The following SKP1 variants were observed in gnomAD, a reference collection of about 807,000 sequenced individuals.
The protein encoded by SKP1 is S-phase kinase-associated protein 1.
A neutral mutation model predicts 21.5 loss-of-function variants in SKP1; 1 was observed. That is an observed-to-expected ratio of 0.05 (90% confidence interval 0.02 to 0.22). The LOEUF (loss-of-function observed/expected upper bound fraction) is 0.22, where lower values mean the gene tolerates loss of function less well. Ranked by LOEUF, SKP1 falls within the 10% of genes least tolerant of loss-of-function variation. SKP1 has a pLI of 1.00. For synonymous variants in SKP1, 59 were observed against 59.3 expected (o/e 0.99, Z 0.03); for missense variants, 70 against 192.0 (o/e 0.36, Z 3.76).
chr5:134,165,500 G>C (rs1761311796), intron 3 of SKP1, among the ~76,000 whole-genome samples: 1 of 150,154 alleles, frequency 6.7e-6, no homozygotes, highest in African/African-American at 2.5e-5. Context: ...TGAGGCGGGA[G>C]AATCACTTGA....
Position 134,153,148 on chromosome 5 carries a change from C to A in SKP1, c.*4585G>T, listed in dbSNP as rs1250949280. On this transcript the variant is annotated 3_prime_UTR_variant, in exon 6 of 6. Coordinates refer to ENST00000353411, the MANE Select transcript of SKP1 (RefSeq NM_170679.3). ...GGGAGAACATTTACTTGGTTGATTC[C>A]TTCCTACCAGAATGTACACTGAGCT... The A allele has an allele frequency of 1.3e-5, 2 of 152,178 alleles. No homozygotes were observed. The highest frequency in any genetic ancestry group is 3.9e-4 in the East Asian group (2 of 5,194). The allele number at this position is 152,178 out of a possible 1,614,324, so 9.4% of individuals were successfully genotyped here.
In SKP1 at chr5:134,157,104, A is replaced by C. The variant is rs1761132898; in HGVS notation, c.*629T>G. 6.5e-6 allele frequency: 1 copy of C among 152,676 alleles called. No individual in the cohort carries two copies. The highest frequency in any genetic ancestry group is 2.4e-5 in the African/African-American group (1 of 41,470). The allele number at this position is 152,676 out of a possible 1,614,324, so 9.5% of individuals were successfully genotyped here. On this transcript the variant is annotated 3_prime_UTR_variant, in exon 6 of 6. Transcript: ENST00000353411. Reference sequence around the variant, plus strand: ...AGTTACATTTCTCCCAAAAAACCACAAACTGGGTAGTAACTGAGTCTCTAG... The same window carrying C: ...AGTTACATTTCTCCCAAAAAACCACCAACTGGGTAGTAACTGAGTCTCTAG...
chr5:134,158,215 T>A (rs778463239), intron 5 of SKP1: 23 of 1,422,282 alleles, frequency 1.6e-5, no homozygotes, highest in Non-Finnish European at 2.1e-5. Flanking sequence ...TAACTGTTAA[T>A]ACATTAACAA....
intron 2 of SKP1, among the ~76,000 whole-genome samples, chr5:134,173,193 T>C (rs1217400914): frequency 1.3e-5 from 2 of 148,990 alleles, no homozygotes; most frequent in Non-Finnish European, 3.0e-5. Flanking sequence ...TTAGCCGGGC[T>C]TGGTGGCACA....
chr5:134,161,481 A>G (rs1348175067), intron 3 of SKP1: 2 of 159,948 alleles, frequency 1.3e-5, no homozygotes, highest in Non-Finnish European at 2.6e-5. Context: ...TTAAAGAGAA[A>G]TGGGTTAATA....
intron 1 of SKP1, 144 bp from the exon 2 acceptor site, chr5:134,174,166 G>A (rs1382114261): frequency 3.2e-6 from 2 of 620,490 alleles, no homozygotes; most frequent in East Asian, 5.6e-5. Flanking sequence ...AAGCACTGTT[G>A]TAAGCAGTTA....
At chr5:134,162,643 T>C (rs1294788831) in intron 3 of SKP1, among the ~76,000 whole-genome samples, 2 of 152,164 alleles carry the variant, frequency 1.3e-5, no homozygotes, top group Non-Finnish European at 2.9e-5. Flanking sequence ...CCCCTTGGCT[T>C]CCCAAAGTGC....
chr5:134,165,729 T>A (rs929820967), intron 3 of SKP1, among the ~76,000 whole-genome samples: 1 of 148,440 alleles, frequency 6.7e-6, no homozygotes, highest in Non-Finnish European at 1.5e-5. Context: ...TACTAAAAAA[T>A]ACAAAAATTA....
At chr5:134,168,155 A>G (rs1761369322) in intron 2 of SKP1, among the ~76,000 whole-genome samples, 1 of 152,248 alleles carries the variant, frequency 6.6e-6, no homozygotes, top group East Asian at 1.9e-4. Context: ...AATTGGTAGG[A>G]AAAGTGATTT....
At chr5:134,176,234 A>C (rs1468193380) in intron 1 of SKP1, among the ~76,000 whole-genome samples, 3 of 152,172 alleles carry the variant, frequency 2.0e-5, no homozygotes, top group Non-Finnish European at 4.4e-5. Context: ...ATGGCAAAAC[A>C]ACGCTAAGAA....
rs1015221203 is a variant in SKP1, at chr5:134,155,620, T to C, written c.*2113A>G. On this transcript the variant is annotated 3_prime_UTR_variant, in exon 6 of 6. Coordinates refer to ENST00000353411, the MANE Select transcript of SKP1 (RefSeq NM_170679.3). ...GATCTCATTATCCTTTAAATACGGA[T>C]AGTGACGTTATTTACTCATATAATT... is the stretch of plus-strand genomic sequence containing the variant. 18 of 152,248 alleles carry C rather than the reference T, an allele frequency of 1.2e-4. No homozygotes were observed. The highest frequency in any genetic ancestry group is 6.5e-5 in the Admixed American group (1 of 15,284). 9.4% of individuals were successfully genotyped at this position (152,248 alleles called of 1,614,324 possible). A position where few individuals can be genotyped will look rare whatever the true frequency, so the allele number is the denominator to read the frequency against.
intron 1 of SKP1, chr5:134,175,285 C>G (rs749386088): frequency 6.6e-5 from 10 of 152,324 alleles, no homozygotes; most frequent in Non-Finnish European, 1.2e-4. Flanking sequence ...ATATCCTACT[C>G]TCACTCATCC....
rs1761140566 is a variant in SKP1 at position 134,157,489 on chromosome 5, C to G, written c.*244G>C. ...AGCCCAAAATGCCACTTATAGAGAA[C>G]CCACAGTTCAGTTTTATTCAGAGCA... is the stretch of plus-strand genomic sequence containing the variant. On this transcript the variant is annotated 3_prime_UTR_variant, in exon 6 of 6. Coordinates refer to ENST00000353411, the MANE Select transcript of SKP1 (RefSeq NM_170679.3). 1 of 411,082 alleles carries G rather than the reference C, an allele frequency of 2.4e-6. No individual in the cohort carries two copies. 25.5% of individuals were successfully genotyped at this position (411,082 alleles called of 1,614,324 possible).
chr5:134,151,696 A>G lies in SKP1; in HGVS notation c.*6037T>C, dbSNP rs1761046033. The G allele has an allele frequency of 2.2e-6, 1 of 456,136 alleles. No individual in the cohort carries two copies. Among genetic ancestry groups the G allele is most frequent in the South Asian group, 1.5e-5 (1 of 64,570 alleles). The allele number at this position is 456,136 out of a possible 1,614,324, so 28.3% of individuals were successfully genotyped here. On this transcript the variant is annotated 3_prime_UTR_variant, in exon 6 of 6. Transcript: ENST00000353411. ...CAGATATCAGAAGGTCGCAAGAACT[A>G]CAGATGTGGAAGCAGACACTGTTAT...
chr5:134,159,547 A>AT lies in SKP1; in HGVS notation c.316-953dup, dbSNP rs1166778296. Reference sequence around the variant, plus strand: ...AGGTGGGTGCCATCTCACCCAGCTAATTTTTTTTTTTTTTTTTTGAGACGA... The same window carrying AT: ...AGGTGGGTGCCATCTCACCCAGCTAATTTTTTTTTTTTTTTTTTTGAGACGA... On this transcript the variant is annotated intron_variant, in intron 4 of 5. Transcript: ENST00000353411. 4.2e-3 allele frequency among the ~76,000 whole-genome samples: 564 copies of AT among 134,450 alleles called. 3 individuals carry two copies. Among genetic ancestry groups the AT allele is most frequent in the East Asian group, 0.013 (61 of 4,626 alleles). 88.2% of individuals were successfully genotyped at this position (134,450 alleles called of 152,430 possible). A position where few individuals can be genotyped will look rare whatever the true frequency, so the allele number is the denominator to read the frequency against.
At chr5:134,171,419 C>T (rs955560548) in intron 2 of SKP1, among the ~76,000 whole-genome samples, 2 of 152,184 alleles carry the variant, frequency 1.3e-5, no homozygotes, top group Admixed American at 6.5e-5. Context: ...ACCCCAGCCC[C>T]AACATCATCA....
chr5:134,167,643 C>CT (rs1761357294), intron 2 of SKP1, among the ~76,000 whole-genome samples: 1 of 152,032 alleles, frequency 6.6e-6, no homozygotes, highest in African/African-American at 2.4e-5. Context: ...CTGCCTCAGC[C>CT]TCCCCGAGTA....
rs1163951286 is a variant in SKP1, at chr5:134,171,056, G to A, written c.97+2870C>T. ...AACAGTGACTGTGGGATGTACCAAGGAGTTTACAACTTAATAGAAGTTATC... is the reference window on the plus strand; with the variant it reads ...AACAGTGACTGTGGGATGTACCAAGAAGTTTACAACTTAATAGAAGTTATC... On this transcript the variant is annotated intron_variant, in intron 2 of 5. Coordinates refer to ENST00000353411, the MANE Select transcript of SKP1 (RefSeq NM_170679.3). 7 of 455,856 alleles carry A rather than the reference G, an allele frequency of 1.5e-5. No individual in the cohort carries two copies. The Admixed American group carries it at 1.6e-4, about 11-fold the overall frequency. The allele number at this position is 455,856 out of a possible 1,614,324, so 28.2% of individuals were successfully genotyped here.
At chr5:134,174,053 TAA>T in intron 1 of SKP1, 31 bp from the exon 2 acceptor site, 1 of 1,320,164 alleles carries the variant, frequency 7.6e-7, no homozygotes, top group South Asian at 1.2e-5. Context: ...ATATAAAATT[TAA>T]GAGAGAGAGT....
Sources: allele counts gnomAD v4.1 joint callset (sites outside exome capture counted in the v4.1 genomes callset), GRCh38; gene constraint gnomAD v4.1.1; transcripts MANE v1.5; gene names NCBI Gene and HGNC (gene_info 2026-07-23, HGNC 2026-07-21).